Variants in TYW1B observed in about 807,000 individuals in gnomAD.
TYW1B encodes tRNA-yW synthesizing protein 1 homolog B, also known as S-adenosyl-L-methionine-dependent tRNA 4-demethylwyosine synthase TYW1B.
In TYW1B, 73 loss-of-function variants were observed where a neutral mutation model predicts 86.9. That is an observed-to-expected ratio of 0.84 (90% confidence interval 0.70 to 1.02). TYW1B has a LOEUF of 1.02. Ranked by LOEUF, TYW1B falls within the 50% of genes least tolerant of loss-of-function variation. The pLI is 0.00. For missense variants in TYW1B, 637 were observed against 827.4 expected, an observed-to-expected ratio of 0.77 and a Z score of 2.82; for synonymous variants, 248 against 292.8, an observed-to-expected ratio of 0.85 and a Z score of 1.56.
intron 13 of TYW1B, among the ~76,000 whole-genome samples, chr7:72,578,088 C>T (rs1227117717): frequency 2.0e-5 from 3 of 150,902 alleles, no homozygotes; most frequent in East Asian, 2.0e-4. Context: ...CCAGGACATG[C>T]GAGGGCCCAG....
At position 72,776,556 on chromosome 7, in the gene TYW1B, CAAAAA is replaced by C. The variant is rs67553013; in HGVS notation, c.964+855_964+859del. Among the ~76,000 whole-genome samples, 105 of 45,242 alleles carry C rather than the reference CAAAAA, an allele frequency of 2.3e-3. No individual in the cohort carries two copies. In the South Asian group the frequency reaches 0.039, roughly 17 times the overall value. 29.7% of individuals were successfully genotyped at this position (45,242 alleles called of 152,430 possible). ...AGACTGGGTGAGAGAGACTCTGTCT[CAAAAA>C]AAAAAAAAAAAAAAAAAAGAGGTAT... On this transcript the variant is annotated intron_variant, in intron 7 of 13. Coordinates refer to ENST00000620995, the MANE Select transcript of TYW1B (RefSeq NM_001145440.3).
At position 72,797,438 on chromosome 7, in the gene TYW1B, C is replaced by T. The variant is rs140694411; in HGVS notation, c.846+4962G>A. On this transcript the variant is annotated intron_variant, in intron 6 of 13. Coordinates refer to ENST00000620995, the MANE Select transcript of TYW1B (RefSeq NM_001145440.3). Reference sequence around the variant, plus strand: ...CAGGACACAGAAGCTCTGTGTCTCTCCCTCATGCCCACTCCCCAGAGTATC... The same window carrying T: ...CAGGACACAGAAGCTCTGTGTCTCTTCCTCATGCCCACTCCCCAGAGTATC... Among the ~76,000 whole-genome samples the T allele has an allele frequency of 3.6e-4, 55 of 152,284 alleles. 1 individual carries two copies. The East Asian group carries it at 8.1e-3, about 22-fold the overall frequency.
chr7:72,694,824 T>A lies in TYW1B; in HGVS notation c.1371-2A>T. 6.3e-7 allele frequency: 1 copy of A among 1,580,420 alleles called. No individual in the cohort carries two copies. Among genetic ancestry groups the A allele is most frequent in the Non-Finnish European group, 8.5e-7 (1 of 1,171,430 alleles). ...AGCTGAGTAACTGGCTCGAGGTTCC[T>A]TAGTAATTTTTTTTTTTAAAGGAAG... is the stretch of plus-strand genomic sequence containing the variant. On this transcript the variant is annotated splice_acceptor_variant, in intron 10 of 13. Transcript: ENST00000620995. LOFTEE classifies it high-confidence loss of function.
chr7:72,596,179 C>CA (rs58325295), intron 13 of TYW1B, among the ~76,000 whole-genome samples: 1,279 of 55,880 alleles, frequency 0.023, 19 homozygotes, highest in Non-Finnish European at 0.029. Context: ...AACTCTGTCT[C>CA]AAAAAAAAAA....
rs1210717705 is a variant in TYW1B, at chr7:72,797,026, C to T, written c.846+5374G>A. On this transcript the variant is annotated intron_variant, in intron 6 of 13. Coordinates refer to ENST00000620995, the MANE Select transcript of TYW1B (RefSeq NM_001145440.3). ...TTCATCGTGTTGGTTAGGCTGGTCT[C>T]GAACTCCTGACTTCAGGTGATCCGC... Among the ~76,000 whole-genome samples the T allele has an allele frequency of 2.6e-5, 4 of 151,542 alleles. No individual in the cohort carries two copies. In the South Asian group the frequency reaches 8.4e-4, roughly 32 times the overall value.
intron 7 of TYW1B, among the ~76,000 whole-genome samples, chr7:72,764,378 G>C (rs1398379949): frequency 2.0e-5 from 3 of 152,180 alleles, no homozygotes; most frequent in Admixed American, 2.0e-4. Flanking sequence ...CGCCTCCCGG[G>C]TTTGAGCGAT....
chr7:72,610,881 A>G (rs764497089), intron 13 of TYW1B, among the ~76,000 whole-genome samples: 1 of 152,140 alleles, frequency 6.6e-6, no homozygotes, highest in African/African-American at 2.4e-5. Context: ...TCACTGTGGC[A>G]CTCCCCTACC....
At chr7:72,769,191 G>T in intron 7 of TYW1B, 1 of 405,224 alleles carries the variant, frequency 2.5e-6, no homozygotes, top group South Asian at 5.4e-5. Context: ...CCATTTTATT[G>T]ACTGAGAAGA....
chr7:72,766,546 A>T (rs1371776791), intron 7 of TYW1B, among the ~76,000 whole-genome samples: 2 of 141,322 alleles, frequency 1.4e-5, no homozygotes, highest in East Asian at 4.4e-4. Context: ...CCCAGAAGGC[A>T]GAGGTTGCCG....
intron 2 of TYW1B, among the ~76,000 whole-genome samples, chr7:72,825,097 T>C (rs1425879663): frequency 1.5e-5 from 2 of 136,462 alleles, no homozygotes; most frequent in African/African-American, 5.5e-5. Context: ...AGAGACCCTG[T>C]CTCCAAAAAA....
At chr7:72,777,379 C>T (rs782675841) in intron 7 of TYW1B, 37 bp downstream of exon 7, 3 of 1,611,466 alleles carry the variant, frequency 1.9e-6, no homozygotes, top group Non-Finnish European at 1.7e-6. Flanking sequence ...ATGCCTAAGA[C>T]TATAGTCATA....
At chr7:72,731,213 A>G (rs2129571073) in intron 8 of TYW1B, among the ~76,000 whole-genome samples, 1 of 151,546 alleles carries the variant, frequency 6.6e-6, no homozygotes, top group South Asian at 2.1e-4. Flanking sequence ...ACAAGTAAAA[A>G]TTGAGAGAAT....
chr7:72,729,465 G>C (rs1554459422), intron 8 of TYW1B, among the ~76,000 whole-genome samples: 4 of 152,042 alleles, frequency 2.6e-5, no homozygotes. Context: ...TGCCCTGGGA[G>C]CCAAAGCCCC....
chr7:72,693,670 C>T (rs1814230512), intron 11 of TYW1B, among the ~76,000 whole-genome samples: 1 of 152,040 alleles, frequency 6.6e-6, no homozygotes, highest in Non-Finnish European at 1.5e-5. Context: ...GCTGGGATTA[C>T]AGGTGTGAGC....
intron 11 of TYW1B, among the ~76,000 whole-genome samples, chr7:72,679,644 T>C (rs1813821144): frequency 6.6e-6 from 1 of 152,132 alleles, no homozygotes; most frequent in Non-Finnish European, 1.5e-5. Flanking sequence ...ATAATATGAA[T>C]GTACATGATA....
rs56806378 is a variant in TYW1B at position 72,734,268 on chromosome 7, A to AAAAAAC, written c.1083-5338_1083-5337insGTTTTT. Among the ~76,000 whole-genome samples, 3 of 98,160 alleles carry AAAAAAC rather than the reference A, an allele frequency of 3.1e-5. No individual in the cohort carries two copies. The South Asian group carries it at 1.0e-3, about 34-fold the overall frequency. The allele number at this position is 98,160 out of a possible 152,430, so 64.4% of individuals were successfully genotyped here. ...TTAAAACTCCATCTCAAAAAAAAAA[A>AAAAAAC]ACACAACAAAAAAACTATAAACCTA... On this transcript the variant is annotated intron_variant, in intron 8 of 13. Coordinates refer to ENST00000620995, the MANE Select transcript of TYW1B (RefSeq NM_001145440.3).
chr7:72,651,640 C>T (rs57098414), intron 11 of TYW1B, among the ~76,000 whole-genome samples: 5,537 of 112,354 alleles, frequency 0.049, no homozygotes, highest in African/African-American at 0.14. Context: ...TTTAAAAATA[C>T]ATAGATAAAT....
chr7:72,768,422 A>G (rs1787810052), intron 7 of TYW1B, among the ~76,000 whole-genome samples: 1 of 152,152 alleles, frequency 6.6e-6, no homozygotes, highest in African/African-American at 2.4e-5. Flanking sequence ...TATCAAAACT[A>G]AAGACCTGCT....
chr7:72,763,705 T>C (rs1390956737), intron 7 of TYW1B, among the ~76,000 whole-genome samples: 1 of 152,254 alleles, frequency 6.6e-6, no homozygotes, highest in African/African-American at 2.4e-5. Flanking sequence ...ATCAAGTGTT[T>C]TGAACCTTTT....
Sources: gnomAD v4.1 joint callset for allele counts (sites outside exome capture counted in the v4.1 genomes callset) on GRCh38, gnomAD v4.1.1 for gene constraint, MANE v1.5 for transcripts, NCBI Gene and HGNC (gene_info 2026-07-23, HGNC 2026-07-21) for gene names.